The following METAP2 variants were observed in gnomAD, a reference collection of about 807,000 sequenced individuals.
The protein encoded by METAP2 is methionine aminopeptidase 2.
In METAP2, 25 loss-of-function variants were observed where a neutral mutation model predicts 59.4. That is an observed-to-expected ratio of 0.42 (90% CI 0.31 to 0.59). The LOEUF (loss-of-function observed/expected upper bound fraction) is 0.59. METAP2 is among the 20% of genes least tolerant of loss of function. The pLI, the probability that METAP2 is intolerant of heterozygous loss-of-function variation, is 0.16. For synonymous variants in METAP2, 214 were observed against 194.1 expected, an observed-to-expected ratio of 1.10 and a Z score of -0.85; for missense variants, 366 against 581.2, an observed-to-expected ratio of 0.63 and a Z score of 3.81.
At chr12:95,504,009 GT>G in intron 7 of METAP2, 55 bp from the exon 8 acceptor site, 1 of 1,274,364 alleles carries the variant, frequency 7.8e-7, no homozygotes, top group Non-Finnish European at 1.1e-6. Flanking sequence ...ACAAAATTAA[GT>G]TGCTATGAAA....
chr12:95,476,514 A>AAAAGAAAG lies in METAP2; in HGVS notation c.259+356_259+363dup, dbSNP rs373561404. ...CCAGCAGAGTAAGACTGTCTCAAAA[A>AAAAGAAAG]AAAGAAAGAAAGAAAGAAAGAAAGA... On this transcript the variant is annotated intron_variant, in intron 2 of 10. Transcript: ENST00000323666. Among the ~76,000 whole-genome samples the AAAAGAAAG allele has an allele frequency of 9.9e-4, 139 of 140,972 alleles. 1 individual carries two copies. The highest frequency in any genetic ancestry group is 3.0e-3 in the African/African-American group (109 of 36,098). 92.5% of individuals were successfully genotyped at this position (140,972 alleles called of 152,430 possible).
In METAP2 at chr12:95,513,930, C is replaced by T; in HGVS notation, c.*26C>T. 1 of 1,581,446 alleles carries T rather than the reference C, an allele frequency of 6.3e-7. No individual in the cohort carries two copies. The highest frequency in any genetic ancestry group is 8.6e-7 in the Non-Finnish European group (1 of 1,163,784). On this transcript the variant is annotated 3_prime_UTR_variant, in exon 11 of 11. Transcript: ENST00000323666. ...ACTTAGTCCAAAGCCACCTCAACAC[C>T]TTTATTTTCTGAGCTTTGTTGGAAA...
rs144058798 is a variant in METAP2 at position 95,513,492 on chromosome 12, G to A, written c.1185-160G>A. The stretch of plus-strand genomic sequence containing the variant: ...TCAGCTGCCATCTATAATTAGGTAT[G>A]GGCTATTATACATTCTGGCTTTTGA... On this transcript the variant is annotated intron_variant, in intron 10 of 10. Transcript: ENST00000323666. 9.2e-3 allele frequency among the ~76,000 whole-genome samples: 1,397 copies of A among 152,248 alleles called. 28 individuals are homozygous for A. The highest frequency in any genetic ancestry group is 0.032 in the African/African-American group (1,338 of 41,520).
chr12:95,490,460 T>C (rs980005340), intron 4 of METAP2, among the ~76,000 whole-genome samples: 1 of 151,856 alleles, frequency 6.6e-6, no homozygotes, highest in African/African-American at 2.4e-5. Context: ...TCAAGTGTAT[T>C]GTTACTAGTT....
At position 95,513,649 on chromosome 12, in the gene METAP2, T is replaced by C. The variant is rs2076421973; in HGVS notation, c.1185-3T>C. Reference sequence around the variant, plus strand: ...CAGTTAATTTTGGATTTTCTCCTCTTAGGCTTCCAAGAACAAAACACTTGT... The same window carrying C: ...CAGTTAATTTTGGATTTTCTCCTCTCAGGCTTCCAAGAACAAAACACTTGT... On this transcript the variant is annotated splice_region_variant and splice_polypyrimidine_tract_variant and intron_variant, in intron 10 of 10. Coordinates refer to ENST00000323666, the MANE Select transcript of METAP2 (RefSeq NM_006838.4). 11 of 1,612,252 alleles carry C rather than the reference T, an allele frequency of 6.8e-6. No individual in the cohort carries two copies. Among genetic ancestry groups the C allele is most frequent in the Non-Finnish European group, 8.5e-6 (10 of 1,179,194 alleles).
intron 2 of METAP2, among the ~76,000 whole-genome samples, chr12:95,478,840 A>G (rs1274421639): frequency 6.6e-6 from 1 of 152,182 alleles, no homozygotes; most frequent in African/African-American, 2.4e-5. Flanking sequence ...ATGCTGAGAA[A>G]ACATTTGAAG....
intron 7 of METAP2, among the ~76,000 whole-genome samples, chr12:95,500,343 C>T (rs1481179730): frequency 6.6e-6 from 1 of 152,150 alleles, no homozygotes; most frequent in African/African-American, 2.4e-5. Context: ...ATCATATAAT[C>T]TGTGAACAGA....
chr12:95,484,711 C>CTTT, intron 3 of METAP2: 2 of 340,610 alleles, frequency 5.9e-6, no homozygotes, highest in Non-Finnish European at 1.1e-5. Context: ...ATGAGGTACT[C>CTTT]TTTTTTTTTT....
At chr12:95,501,136 A>G (rs1308886854) in intron 7 of METAP2, among the ~76,000 whole-genome samples, 1 of 151,568 alleles carries the variant, frequency 6.6e-6, no homozygotes, top group East Asian at 1.9e-4. Flanking sequence ...TCAGCTCCCA[A>G]GTAGCCGGGA....
rs191998575 is a variant in METAP2, at chr12:95,480,605, C to G, written c.260-2610C>G. ...CATTGTGGTTTTAATATGCACTTCC[C>G]TAATGATATTGAGCATCTTTTCATG... is the stretch of plus-strand genomic sequence containing the variant. On this transcript the variant is annotated intron_variant, in intron 2 of 10. Transcript: ENST00000323666. Among the ~76,000 whole-genome samples, 14 of 152,274 alleles carry G rather than the reference C, an allele frequency of 9.2e-5. No individual in the cohort carries two copies. In the East Asian group the frequency reaches 2.7e-3, roughly 29 times the overall value.
At chr12:95,486,091 T>C (rs1384439045) in intron 4 of METAP2, 110 bp downstream of exon 4, 2 of 754,562 alleles carry the variant, frequency 2.7e-6, no homozygotes, top group Non-Finnish European at 4.2e-6. Context: ...TAAATGCTTA[T>C]AAATTTGTCA....
intron 3 of METAP2, among the ~76,000 whole-genome samples, chr12:95,484,318 G>A (rs932005162): frequency 3.3e-5 from 5 of 151,388 alleles, no homozygotes; most frequent in Non-Finnish European, 7.4e-5. Flanking sequence ...AGCTATTCTC[G>A]TAGCCTGTGA....
intron 5 of METAP2, among the ~76,000 whole-genome samples, chr12:95,494,695 C>T (rs2076264327): frequency 6.6e-6 from 1 of 152,028 alleles, no homozygotes; most frequent in South Asian, 2.1e-4. Flanking sequence ...AAGTTAGACT[C>T]TTATTTTCTA....
At chr12:95,482,146 G>A (rs774927396) in intron 2 of METAP2, 14 of 453,020 alleles carry the variant, frequency 3.1e-5, no homozygotes, top group South Asian at 6.3e-5. Flanking sequence ...TCTCCCTCCC[G>A]TCACCCAGGC....
intron 7 of METAP2, among the ~76,000 whole-genome samples, chr12:95,497,044 C>G (rs1452285452): frequency 6.6e-6 from 1 of 152,024 alleles, no homozygotes; most frequent in Non-Finnish European, 1.5e-5. Context: ...AGGCTGGTCT[C>G]AAACTCCTGA....
At chr12:95,494,310 T>A (rs1184739629) in intron 5 of METAP2, 93 bp downstream of exon 5, 1 of 1,200,652 alleles carries the variant, frequency 8.3e-7, no homozygotes, top group Non-Finnish European at 1.2e-6. Flanking sequence ...ATTACCACTT[T>A]GCTAAATCTT....
intron 2 of METAP2, among the ~76,000 whole-genome samples, chr12:95,481,433 A>G (rs2076157615): frequency 6.6e-6 from 1 of 152,148 alleles, no homozygotes; most frequent in African/African-American, 2.4e-5. Context: ...AAAACCAACC[A>G]TCTCTGCCTA....
In METAP2 at chr12:95,483,257, A is replaced by G; in HGVS notation, c.302A>G (p.Lys101Arg). Residue 101 changes from lysine to arginine, a missense_variant, in exon 3 of 11, where the codon AAA becomes AGA. Lys to Arg is a conservative substitution (Grantham distance 26, BLOSUM62 2). Transcript: ENST00000323666. ...DGDGATGKKK[K>R]KKKKKRGPKV... The stretch of plus-strand genomic sequence containing the variant: ...GATGGAGCAACTGGAAAGAAGAAGA[A>G]AAAGAAGAAGAAGAAGAGAGGACGT... 1 of 1,612,418 alleles carries G rather than the reference A, an allele frequency of 6.2e-7. No individual in the cohort carries two copies.
At chr12:95,513,580 G>A in intron 10 of METAP2, 72 bp from the exon 11 acceptor site, 2 of 1,528,424 alleles carry the variant, frequency 1.3e-6, no homozygotes, top group Non-Finnish European at 8.9e-7. Flanking sequence ...CTAAGGTCTG[G>A]GCTTTTCTTA....
Sources: allele counts gnomAD v4.1 joint callset (sites outside exome capture counted in the v4.1 genomes callset), GRCh38; gene constraint gnomAD v4.1.1; transcripts MANE v1.5; gene names NCBI Gene and HGNC (gene_info 2026-07-23, HGNC 2026-07-21).